The following PCDHA4 variants were observed in gnomAD, a reference collection of about 807,000 sequenced individuals.
The protein encoded by PCDHA4 is protocadherin alpha-4.
PCDHA4 carries 49 observed loss-of-function variants against 61.4 expected under a neutral mutation model. The observed-to-expected ratio is 0.80, with a 90% confidence interval of 0.63 to 1.01. The LOEUF (loss-of-function observed/expected upper bound fraction) is 1.01. Ranked by LOEUF, PCDHA4 falls within the 50% of genes least tolerant of loss-of-function variation. PCDHA4 has a pLI of 0.00. For missense variants in PCDHA4, 1,254 were observed against 1,235.8 expected (o/e 1.01, Z -0.22); for synonymous variants, 590 against 550.3 (o/e 1.07, Z -1.01).
intron 1 of PCDHA4, chr5:140,927,237 G>A (rs1554204217): frequency 1.2e-6 from 2 of 1,614,110 alleles, no homozygotes; most frequent in Admixed American, 1.7e-5. Flanking sequence ...TTCACGTCCT[G>A]GACACCAATG....
chr5:140,836,400 G>A, intron 1 of PCDHA4: 1 of 1,613,760 alleles, frequency 6.2e-7, no homozygotes, highest in South Asian at 1.1e-5. Flanking sequence ...GGTGGAAAGC[G>A]GCCAGGCACC....
chr5:140,982,687 C>T (rs2096996612), intron 3 of PCDHA4, 124 bp downstream of exon 3: 1 of 1,415,822 alleles, frequency 7.1e-7, no homozygotes, highest in Non-Finnish European at 9.3e-7. Flanking sequence ...CCCTTTTTTC[C>T]ATACATACAT....
chr5:140,882,856 G>A (rs1352769264), intron 1 of PCDHA4: 1 of 1,614,098 alleles, frequency 6.2e-7, no homozygotes, highest in African/African-American at 1.3e-5. Context: ...CACTTGTACT[G>A]AGGAAAACAC....
chr5:140,853,126 G>T, intron 1 of PCDHA4: 1 of 560,330 alleles, frequency 1.8e-6, no homozygotes. Flanking sequence ...TGATCCTCCC[G>T]CCTCAGCCTC....
rs370299841 is a variant in PCDHA4, at chr5:140,841,414, C to T, written c.2385+31842C>T. 3 of 1,612,904 alleles carry T rather than the reference C, an allele frequency of 1.9e-6. 1 individual carries two copies. In the African/African-American group the frequency reaches 4.0e-5, roughly 22 times the overall value. ...CCTGGAAGGTGGGGAGCGGCCAGCT[C>T]CACTACTCCGTCCCCGAGGAGGCCA... On this transcript the variant is annotated intron_variant, in intron 1 of 3. Transcript: ENST00000530339.
intron 1 of PCDHA4, chr5:140,816,876 ACTCAGCTCTTTTAGGTTCTGAGAAGCC>A (rs1766016006): frequency 6.6e-6 from 1 of 151,704 alleles, no homozygotes; most frequent in African/African-American, 2.4e-5. Flanking sequence ...AGCAGTATTC[ACTCAGCTCTTTTAGGTTCTGAGAAGCC>A]CTCAGTTATA....
At chr5:140,837,780 G>A (rs1024402142) in intron 1 of PCDHA4, among the ~76,000 whole-genome samples, 3 of 151,682 alleles carry the variant, frequency 2.0e-5, no homozygotes, top group Admixed American at 6.6e-5. Context: ...GGGCTCACAG[G>A]ATCCTCCCAT....
intron 1 of PCDHA4, chr5:140,858,360 G>C (rs782369682): frequency 1.9e-6 from 3 of 1,592,532 alleles, no homozygotes; most frequent in Non-Finnish European, 2.6e-6. Flanking sequence ...ATGGCCTTCA[G>C]CCCCAGCCTT....
chr5:140,846,015 G>C (rs567874372), intron 1 of PCDHA4, among the ~76,000 whole-genome samples: 1 of 149,618 alleles, frequency 6.7e-6, no homozygotes, highest in South Asian at 2.1e-4. Flanking sequence ...AAATCTAAAA[G>C]TTATTACGAG....
chr5:140,858,610 T>G, intron 1 of PCDHA4: 1 of 1,234,746 alleles, frequency 8.1e-7, no homozygotes, highest in Non-Finnish European at 1.1e-6. Flanking sequence ...TAAAATTTTT[T>G]TATCCTACCC....
intron 1 of PCDHA4, among the ~76,000 whole-genome samples, chr5:140,974,980 G>A (rs149148015): frequency 2.4e-4 from 36 of 152,208 alleles, no homozygotes; most frequent in Non-Finnish European, 5.0e-4. Context: ...TGAGTTGTCC[G>A]CTCAGGTATT....
At chr5:140,822,871 A>G (rs1767455732) in intron 1 of PCDHA4, 1 of 1,614,204 alleles carries the variant, frequency 6.2e-7, no homozygotes, top group Non-Finnish European at 8.5e-7. Context: ...TCCACTCAGC[A>G]CGGTCATTGC....
rs1415621431 is a variant in PCDHA4, at chr5:140,835,028, C to T, written c.2385+25456C>T. On this transcript the variant is annotated intron_variant, in intron 1 of 3. Transcript: ENST00000530339. The stretch of plus-strand genomic sequence containing the variant: ...AGCTTCATTTATTGCTCACGGCCAC[C>T]GATGGAGGCAAACCCGAGCTGACTG... 1.7e-5 allele frequency: 22 copies of T among 1,326,496 alleles called. No individual in the cohort carries two copies. The African/African-American group carries it at 3.2e-4, about 19-fold the overall frequency. The allele number at this position is 1,326,496 out of a possible 1,614,324, so 82.2% of individuals were successfully genotyped here.
intron 1 of PCDHA4, chr5:140,883,262 G>A (rs1211665444): frequency 6.2e-7 from 1 of 1,613,838 alleles, no homozygotes; most frequent in Non-Finnish European, 8.5e-7. Context: ...TCCAATGGCG[G>A]GTCATTGTAC....
intron 1 of PCDHA4, chr5:140,876,222 G>T (rs923525457): frequency 6.2e-7 from 1 of 1,613,972 alleles, no homozygotes; most frequent in Non-Finnish European, 8.5e-7. Flanking sequence ...ATAAAGTAGT[G>T]TTGTCTGAAA....
At chr5:140,966,744 T>A in intron 1 of PCDHA4, 1 of 1,424,124 alleles carries the variant, frequency 7.0e-7, no homozygotes. Flanking sequence ...CCTGCCCGGC[T>A]GCCTCCGCCG....
At chr5:140,968,431 G>A in intron 1 of PCDHA4, 1 of 1,613,980 alleles carries the variant, frequency 6.2e-7, no homozygotes, top group Non-Finnish European at 8.5e-7. Context: ...AGGACAAGGG[G>A]AGCCCACCAC....
At chr5:140,931,675 A>G (rs2087672558) in intron 1 of PCDHA4, among the ~76,000 whole-genome samples, 1 of 151,968 alleles carries the variant, frequency 6.6e-6, no homozygotes, top group Admixed American at 6.5e-5. Context: ...TTCCTTATAA[A>G]TAAATGAATT....
At chr5:140,882,247 T>C in intron 1 of PCDHA4, 1 of 1,594,292 alleles carries the variant, frequency 6.3e-7, no homozygotes, top group Non-Finnish European at 8.6e-7. Context: ...TGCAGATAGC[T>C]CTGAGGTTTT....
Sources: gnomAD v4.1 joint callset for allele counts (sites outside exome capture counted in the v4.1 genomes callset) on GRCh38, gnomAD v4.1.1 for gene constraint, MANE v1.5 for transcripts, NCBI Gene and HGNC (gene_info 2026-07-23, HGNC 2026-07-21) for gene names.